The following HYDIN variants were observed in gnomAD, a reference collection of about 807,000 sequenced individuals.
The protein encoded by HYDIN is HYDIN axonemal central pair apparatus protein, also known as axonemal central pair apparatus protein HYDIN.
In HYDIN, 132 loss-of-function variants were observed where a neutral mutation model predicts 403.9. That is an observed-to-expected ratio of 0.33 (90% CI 0.28 to 0.38). The LOEUF (loss-of-function observed/expected upper bound fraction) is 0.38, where lower values mean the gene tolerates loss of function less well. Ranked by LOEUF, HYDIN falls within the 10% of genes least tolerant of loss-of-function variation. HYDIN has a pLI of 1.00. For synonymous variants in HYDIN, 1,202 were observed against 1,891.7 expected (o/e 0.64, Z 9.46); for missense variants, 2,827 against 5,009.5 (o/e 0.56, Z 13.15).
chr16:70,847,478 G>A (rs1343918312), intron 75 of HYDIN, among the ~76,000 whole-genome samples: 1 of 152,062 alleles, frequency 6.6e-6, no homozygotes, highest in Non-Finnish European at 1.5e-5. Context: ...AGGCCAGTCT[G>A]TTAGTGATGA....
At chr16:71,122,727 C>T (rs1259756079) in intron 9 of HYDIN, among the ~76,000 whole-genome samples, 7 of 151,154 alleles carry the variant, frequency 4.6e-5, no homozygotes, top group South Asian at 2.1e-4. Flanking sequence ...GCTTAGATGA[C>T]GACAAAGCAT....
intron 45 of HYDIN, chr16:70,933,550 T>C (rs1752054865): frequency 6.5e-6 from 1 of 153,184 alleles, no homozygotes; most frequent in Admixed American, 6.6e-5. Context: ...CTTCTGGCCA[T>C]GTGACCTTGG....
intron 18 of HYDIN, among the ~76,000 whole-genome samples, chr16:71,039,421 C>A (rs2081208520): frequency 6.6e-6 from 1 of 152,126 alleles, no homozygotes; most frequent in Non-Finnish European, 1.5e-5. Context: ...AGGGTGGGTC[C>A]CTGGCGAAAC....
chr16:71,070,317 CTTTCT>C (rs1183075071), intron 13 of HYDIN, among the ~76,000 whole-genome samples: 1 of 147,232 alleles, frequency 6.8e-6, no homozygotes, highest in African/African-American at 2.5e-5. Context: ...TCCTTCCTTT[CTTTCT>C]TTTTTTTTTT....
Position 70,837,862 on chromosome 16 carries a change from G to A in HYDIN, c.13070C>T (p.Thr4357Ile), listed in dbSNP as rs570237833. 6 of 1,613,914 alleles carry A rather than the reference G, an allele frequency of 3.7e-6. No homozygotes were observed. The African/African-American group carries it at 8.0e-5, about 22-fold the overall frequency. ...AACACGGGAGTTCACCTCGAGGTGAGTGGTGTTGGTGTACAGACAATCTAT... is the reference window on the plus strand; with the variant it reads ...AACACGGGAGTTCACCTCGAGGTGAATGGTGTTGGTGTACAGACAATCTAT... ...MSIDCLYTNT[T>I]HLEVNSRVDV... is the part of the protein sequence containing the mutation. The change falls in exon 77 of 86, where the codon ACT becomes ATT. Residue 4357 changes from threonine (T) to isoleucine (I), a missense_variant. Physicochemically the swap from Thr to Ile is moderately conservative, Grantham distance 89 (BLOSUM62 -1). Transcript: ENST00000393567.
At chr16:71,028,890 T>C (rs2080809792) in intron 19 of HYDIN, among the ~76,000 whole-genome samples, 1 of 151,142 alleles carries the variant, frequency 6.6e-6, no homozygotes, top group Non-Finnish European at 1.5e-5. Flanking sequence ...ATATACTGTT[T>C]ATAAAAACCA....
At chr16:71,041,825 TAACTC>T (rs1255847942) in intron 18 of HYDIN, among the ~76,000 whole-genome samples, 10 of 152,132 alleles carry the variant, frequency 6.6e-5, no homozygotes, top group South Asian at 6.2e-4. Context: ...ATTGAATAAA[TAACTC>T]AACTTAAAAG....
At chr16:71,133,352 G>A (rs2084789402) in intron 8 of HYDIN, 3 of 445,240 alleles carry the variant, frequency 6.7e-6, no homozygotes, top group South Asian at 4.9e-5. Context: ...TACAAATGAA[G>A]AACTAGAGAT....
At chr16:71,060,351 T>C (rs2082038473) in intron 18 of HYDIN, among the ~76,000 whole-genome samples, 153 bp downstream of exon 18, 1 of 152,246 alleles carries the variant, frequency 6.6e-6, no homozygotes, top group Non-Finnish European at 1.5e-5. Flanking sequence ...TTTATTATAA[T>C]AAAGAAGAAC....
At chr16:70,945,877 C>T (rs1406132540) in intron 41 of HYDIN, among the ~76,000 whole-genome samples, 1 of 151,778 alleles carries the variant, frequency 6.6e-6, no homozygotes, top group Admixed American at 6.6e-5. Flanking sequence ...CCACTGGAAG[C>T]AGTGAAACAG....
Position 70,818,265 on chromosome 16 carries a change from G to A in HYDIN, c.14658+77C>T, listed in dbSNP as rs574236869. 328 of 771,626 alleles carry A rather than the reference G, an allele frequency of 4.3e-4. No homozygotes were observed. The African/African-American group carries it at 5.3e-3, about 12-fold the overall frequency. The allele number at this position is 771,626 out of a possible 1,614,324, so 47.8% of individuals were successfully genotyped here. ...CTGGCCCACCCTCTGGGGATGCAGA[G>A]TGTGGATCCAGAGATCTCATGGGTG... On this transcript the variant is annotated intron_variant, in intron 84 of 85. Coordinates refer to ENST00000393567, the MANE Select transcript of HYDIN (RefSeq NM_001270974.2).
At chr16:70,943,034 A>G (rs2077731113) in intron 42 of HYDIN, among the ~76,000 whole-genome samples, 1 of 152,162 alleles carries the variant, frequency 6.6e-6, no homozygotes, top group African/African-American at 2.4e-5. Context: ...CGTCAAGTTA[A>G]TTTTGTTGTA....
rs187302369 is a variant in HYDIN, at chr16:70,822,706, C to A, written c.14428-4134G>T. Among the ~76,000 whole-genome samples the A allele has an allele frequency of 7.7e-4, 117 of 152,294 alleles. 1 individual carries two copies. Among genetic ancestry groups the A allele is most frequent in the African/African-American group, 2.7e-3 (113 of 41,574 alleles). On this transcript the variant is annotated intron_variant, in intron 83 of 85. Coordinates refer to ENST00000393567, the MANE Select transcript of HYDIN (RefSeq NM_001270974.2). ...TCACCCCCACCTTCAGTAACCACCA[C>A]CCTCATCAGTCAGCAGCCATCAACA...
intron 21 of HYDIN, among the ~76,000 whole-genome samples, chr16:71,023,152 G>C (rs962246799): frequency 1.3e-5 from 2 of 152,100 alleles, no homozygotes; most frequent in African/African-American, 4.8e-5. Context: ...TAAAAATGAA[G>C]AATTTAAAAT....
chr16:71,064,161 A>T (rs1344839639), intron 16 of HYDIN, among the ~76,000 whole-genome samples: 1 of 133,194 alleles, frequency 7.5e-6, no homozygotes, highest in Admixed American at 7.6e-5. Flanking sequence ...ACAGATTTTT[A>T]AAAAATTGTT....
intron 25 of HYDIN, among the ~76,000 whole-genome samples, chr16:70,989,272 C>T (rs1210991783): frequency 6.6e-6 from 1 of 152,086 alleles, no homozygotes; most frequent in Non-Finnish European, 1.5e-5. Context: ...CTCGTGGCCT[C>T]AAGCCATCCT....
chr16:70,872,371 T>TATCC (rs144467788), intron 64 of HYDIN, among the ~76,000 whole-genome samples, 192 bp from the exon 65 acceptor site: 28,762 of 136,970 alleles, frequency 0.21, 3,382 homozygotes, highest in Non-Finnish European at 0.25. Context: ...TCCATCCATC[T>TATCC]ATCCATCCAT....
chr16:71,110,584 T>C (rs1378958168), intron 10 of HYDIN, among the ~76,000 whole-genome samples: 3 of 150,028 alleles, frequency 2.0e-5, no homozygotes, highest in African/African-American at 7.4e-5. Context: ...GGCAAAATTA[T>C]ACATGAAAGC....
chr16:71,029,888 G>A (rs909190759), intron 19 of HYDIN, among the ~76,000 whole-genome samples: 6 of 152,082 alleles, frequency 3.9e-5, no homozygotes, highest in African/African-American at 1.4e-4. Flanking sequence ...GAGCCCAGAA[G>A]GCAGGGGGAA....
Sources: allele counts gnomAD v4.1 joint callset (sites outside exome capture counted in the v4.1 genomes callset), GRCh38; gene constraint gnomAD v4.1.1; transcripts MANE v1.5; gene names NCBI Gene and HGNC (gene_info 2026-07-23, HGNC 2026-07-21).